The following PPP2R5E variants were observed in gnomAD, a reference collection of about 807,000 sequenced individuals.
PPP2R5E encodes protein phosphatase 2 regulatory subunit B'epsilon.
In PPP2R5E, 4 loss-of-function variants were observed where a neutral mutation model predicts 65.3. That is an observed-to-expected ratio of 0.06 (90% CI 0.03 to 0.14). The LOEUF is 0.14. Ranked by LOEUF, PPP2R5E falls within the 10% of genes least tolerant of loss-of-function variation. The pLI, the probability that PPP2R5E is intolerant of heterozygous loss-of-function variation, is 1.00. For synonymous variants in PPP2R5E, 183 were observed against 187.4 expected (o/e 0.98, Z 0.19); for missense variants, 274 against 556.1 (o/e 0.49, Z 5.10).
At chr14:63,425,520 G>T (rs1326906462) in intron 3 of PPP2R5E, among the ~76,000 whole-genome samples, 1 of 152,128 alleles carries the variant, frequency 6.6e-6, no homozygotes, top group East Asian at 1.9e-4. Context: ...GGAAAAGGGG[G>T]CTTCTCTATA....
chr14:63,492,477 C>T (rs1001105042), intron 2 of PPP2R5E, among the ~76,000 whole-genome samples: 2 of 152,014 alleles, frequency 1.3e-5, no homozygotes, highest in Non-Finnish European at 2.9e-5. Flanking sequence ...GGCTCTGAGG[C>T]CTCTTATAAA....
intron 2 of PPP2R5E, among the ~76,000 whole-genome samples, chr14:63,510,110 C>A (rs1156482027): frequency 2.0e-5 from 3 of 152,142 alleles, no homozygotes; most frequent in Non-Finnish European, 2.9e-5. Flanking sequence ...ACCATAAAGT[C>A]ATCAAATTAA....
intron 3 of PPP2R5E, among the ~76,000 whole-genome samples, chr14:63,442,830 T>A (rs1025470235): frequency 1.3e-5 from 2 of 152,188 alleles, no homozygotes; most frequent in South Asian, 4.1e-4. Flanking sequence ...GGGACTATCA[T>A]GGTTATATTC....
At chr14:63,418,841 C>CTTTTTTT (rs772740856) in intron 4 of PPP2R5E, among the ~76,000 whole-genome samples, 11 of 105,078 alleles carry the variant, frequency 1.0e-4, no homozygotes, top group Non-Finnish European at 1.5e-4. Context: ...AATTTTTTTA[C>CTTTTTTT]TTTTTTTTTT....
chr14:63,449,150 A>C (rs1888671326), intron 3 of PPP2R5E, among the ~76,000 whole-genome samples: 1 of 152,124 alleles, frequency 6.6e-6, no homozygotes. Context: ...AAACACTATC[A>C]TTTCCCTCAC....
intron 13 of PPP2R5E, 37 bp from the exon 14 acceptor site, chr14:63,376,145 G>T: frequency 7.2e-7 from 1 of 1,385,126 alleles, no homozygotes; most frequent in Non-Finnish European, 1.0e-6. Context: ...AACAGCTGAG[G>T]TTTAATGAGA....
intron 3 of PPP2R5E, among the ~76,000 whole-genome samples, chr14:63,435,333 A>C (rs1354974183): frequency 5.3e-5 from 8 of 152,284 alleles, no homozygotes; most frequent in Middle Eastern, 3.4e-3. Flanking sequence ...GAATTTAAAT[A>C]CCGAAACTAT....
At chr14:63,502,128 C>T (rs1004032153) in intron 2 of PPP2R5E, among the ~76,000 whole-genome samples, 2 of 152,176 alleles carry the variant, frequency 1.3e-5, no homozygotes, top group Non-Finnish European at 2.9e-5. Context: ...TTTCTGGCCT[C>T]AAGTGATCCA....
At chr14:63,436,908 G>A (rs1215480852) in intron 3 of PPP2R5E, among the ~76,000 whole-genome samples, 2 of 152,216 alleles carry the variant, frequency 1.3e-5, no homozygotes, top group Non-Finnish European at 2.9e-5. Flanking sequence ...GGTAAAATAA[G>A]GCTGAGACCT....
chr14:63,394,054 TG>T, intron 7 of PPP2R5E, 126 bp from the exon 8 acceptor site: 1 of 363,184 alleles, frequency 2.8e-6, no homozygotes, highest in Non-Finnish European at 5.1e-6. Context: ...CCCACCCCAG[TG>T]GCATTCAGAA....
Position 63,420,877 on chromosome 14 carries a change from C to A in PPP2R5E, c.456+1116G>T, listed in dbSNP as rs565246724. ...ACCATCCCGGCTAAAACGGTGAAAC[C>A]CCGTCTCTACTAAAAATACAAAAAA... is the stretch of plus-strand genomic sequence containing the variant. On this transcript the variant is annotated intron_variant, in intron 4 of 13. Coordinates refer to ENST00000337537, the MANE Select transcript of PPP2R5E (RefSeq NM_006246.5). Among the ~76,000 whole-genome samples the A allele has an allele frequency of 6.5e-3, 865 of 132,662 alleles. 191 individuals are homozygous for A. Among genetic ancestry groups the A allele is most frequent in the African/African-American group, 0.028 (844 of 30,532 alleles). The allele number at this position is 132,662 out of a possible 152,430, so 87.0% of individuals were successfully genotyped here. A position where few individuals can be genotyped will look rare whatever the true frequency, so the allele number is the denominator to read the frequency against.
intron 3 of PPP2R5E, among the ~76,000 whole-genome samples, chr14:63,439,589 G>A (rs1277816353): frequency 1.3e-5 from 2 of 152,252 alleles, no homozygotes; most frequent in Admixed American, 6.5e-5. Context: ...GGTCAGGCTG[G>A]TCTCGAACTC....
chr14:63,389,590 TC>T, intron 11 of PPP2R5E, 21 bp downstream of exon 11: 1 of 1,588,880 alleles, frequency 6.3e-7, no homozygotes, highest in Non-Finnish European at 8.5e-7. Flanking sequence ...GCTCCCTGGC[TC>T]ATGTCCTCTT....
chr14:63,487,921 CTTTA>C (rs1891074190), intron 2 of PPP2R5E, among the ~76,000 whole-genome samples: 1 of 152,152 alleles, frequency 6.6e-6, no homozygotes, highest in African/African-American at 2.4e-5. Context: ...ACTTCCTCTT[CTTTA>C]TTTGTCTTTC....
At chr14:63,510,564 A>T (rs1271694163) in intron 2 of PPP2R5E, among the ~76,000 whole-genome samples, 1 of 152,250 alleles carries the variant, frequency 6.6e-6, no homozygotes, top group Non-Finnish European at 1.5e-5. Context: ...ATATAAACAG[A>T]GACCTTAAAG....
chr14:63,493,049 A>G (rs954674148), intron 2 of PPP2R5E, among the ~76,000 whole-genome samples: 2 of 152,184 alleles, frequency 1.3e-5, no homozygotes, highest in East Asian at 3.8e-4. Context: ...AGGAATTCTG[A>G]TCTACTAAAG....
At chr14:63,440,512 C>T (rs76199769) in intron 3 of PPP2R5E, among the ~76,000 whole-genome samples, 2,493 of 151,998 alleles carry the variant, frequency 0.016, 59 homozygotes, top group African/African-American at 0.057. Flanking sequence ...AAATCAAAGG[C>T]TTTTTTACTT....
intron 5 of PPP2R5E, among the ~76,000 whole-genome samples, chr14:63,405,008 C>A (rs1359558112): frequency 6.6e-6 from 1 of 152,166 alleles, no homozygotes; most frequent in African/African-American, 2.4e-5. Flanking sequence ...AAGAGCAGAG[C>A]ACTAAACCAA....
At chr14:63,457,641 C>G (rs533469498) in intron 2 of PPP2R5E, among the ~76,000 whole-genome samples, 13 of 152,308 alleles carry the variant, frequency 8.5e-5, no homozygotes, top group South Asian at 8.3e-4. Context: ...CTCTGGCCAG[C>G]AGAGGCCATC....
Sources: gnomAD v4.1 joint callset for allele counts (sites outside exome capture counted in the v4.1 genomes callset) on GRCh38, gnomAD v4.1.1 for gene constraint, MANE v1.5 for transcripts, NCBI Gene and HGNC (gene_info 2026-07-23, HGNC 2026-07-21) for gene names.